FAM76B: variants seen among roughly 807,000 people sequenced by gnomAD.
FAM76B encodes protein FAM76B.
FAM76B carries 16 observed loss-of-function variants against 51.8 expected under a neutral mutation model. The observed-to-expected ratio is 0.31, with a 90% CI of 0.21 to 0.47. The LOEUF (loss-of-function observed/expected upper bound fraction) is 0.47. Ranked by LOEUF, FAM76B falls within the 20% of genes least tolerant of loss-of-function variation. The pLI is 1.00. For missense variants in FAM76B, 342 were observed against 392.6 expected, an observed-to-expected ratio of 0.87 and a Z score of 1.09; for synonymous variants, 166 against 129.5, an observed-to-expected ratio of 1.28 and a Z score of -1.91.
chr11:95,786,410 C>T, intron 3 of FAM76B, 136 bp from the exon 4 acceptor site: 2 of 882,986 alleles, frequency 2.3e-6, no homozygotes, highest in Non-Finnish European at 3.3e-6. Context: ...GTTTGTTGCC[C>T]TGTCACATGC....
chr11:95,775,073 T>G (rs1338165731), intron 9 of FAM76B, among the ~76,000 whole-genome samples: 1 of 151,322 alleles, frequency 6.6e-6, no homozygotes, highest in Non-Finnish European at 1.5e-5. Context: ...CTCCCAAGTC[T>G]GACGTCTGTG....
At chr11:95,773,923 G>A (rs1442139719) in intron 9 of FAM76B, among the ~76,000 whole-genome samples, 1 of 151,142 alleles carries the variant, frequency 6.6e-6, no homozygotes, top group African/African-American at 2.4e-5. Flanking sequence ...ATTAGAGCAA[G>A]ATCCATCTTG....
rs776697865 is a variant in FAM76B, at chr11:95,786,131, T to C, written c.351A>G (p.Glu117=). The change falls in exon 4 of 10, where the codon GAA becomes GAG. Residue 117 remains glutamate, a synonymous_variant. Transcript: ENST00000358780. ...AAATAAAGCATACCTTTCTTCTTCC[T>C]TCCTCCTTCCGATCAAAAGCACATT... ...KQQCAFDRKE[E]GRRKVDGKLL... is the part of the protein sequence containing the mutation. The C allele has an allele frequency of 1.8e-5, 29 of 1,609,632 alleles. No individual in the cohort carries two copies. Among genetic ancestry groups the C allele is most frequent in the Non-Finnish European group, 4.2e-6 (5 of 1,178,016 alleles).
chr11:95,779,799 TTAAG>T lies in FAM76B; in HGVS notation c.611+76_611+79del, dbSNP rs1414518111. Reference sequence around the variant, plus strand: ...CTGAAAATACTGATTTTGGTAAGACTTAAGTAACAAAGTTGAAGGGATATCACAT... The same window carrying T: ...CTGAAAATACTGATTTTGGTAAGACTTAACAAAGTTGAAGGGATATCACAT... On this transcript the variant is annotated intron_variant, in intron 6 of 9. Coordinates refer to ENST00000358780, the MANE Select transcript of FAM76B (RefSeq NM_144664.5). The T allele has an allele frequency of 1.9e-6, 3 of 1,542,724 alleles. No individual in the cohort carries two copies. In the African/African-American group the frequency reaches 4.2e-5, roughly 21 times the overall value.
chr11:95,788,735 C>T (rs1591030131), intron 1 of FAM76B, 172 bp from the exon 2 acceptor site: 1 of 1,298,860 alleles, frequency 7.7e-7, no homozygotes, highest in East Asian at 2.6e-5. Flanking sequence ...AATATAATTC[C>T]TTAGGGAAGG....
chr11:95,778,861 T>C lies in FAM76B; in HGVS notation c.789A>G (p.Leu263=). The C allele has an allele frequency of 6.2e-7, 1 of 1,610,534 alleles. No homozygotes were observed. The highest frequency in any genetic ancestry group is 8.5e-7 in the Non-Finnish European group (1 of 1,177,876). The change falls in exon 8 of 10, where the codon TTA becomes TTG. Residue 263 remains leucine (L), a synonymous_variant. Transcript: ENST00000358780. ...CTAAAATGGTCTGGTCTCTCTGCTG[T>C]AAGAGACGCTTAAGTGACATCACTT... is the stretch of plus-strand genomic sequence containing the variant. ...KEEVMSLKRL[L]QQRDQTILEK...
chr11:95,783,370 G>T, intron 4 of FAM76B, 106 bp from the exon 5 acceptor site: 1 of 897,972 alleles, frequency 1.1e-6, no homozygotes, highest in Non-Finnish European at 1.7e-6. Flanking sequence ...CACGTAACAT[G>T]CACAAATGCA....
intron 4 of FAM76B, among the ~76,000 whole-genome samples, chr11:95,784,945 T>C (rs1860481792): frequency 6.6e-6 from 1 of 152,128 alleles, no homozygotes; most frequent in African/African-American, 2.4e-5. Context: ...AAAATAAGGT[T>C]ATATATTGAT....
rs987362521 is a variant in FAM76B, at chr11:95,788,578, T to G, written c.88-15A>C. 1 of 1,604,312 alleles carries G rather than the reference T, an allele frequency of 6.2e-7. No homozygotes were observed. Among genetic ancestry groups the G allele is most frequent in the African/African-American group, 1.3e-5 (1 of 74,772 alleles). ...ATCCGACATTCCTGTAATAAGACAA[T>G]ACATTAGTCAGTATCTTTCTGAAAG... On this transcript the variant is annotated splice_polypyrimidine_tract_variant and intron_variant, in intron 1 of 9. Coordinates refer to ENST00000358780, the MANE Select transcript of FAM76B (RefSeq NM_144664.5).
intron 9 of FAM76B, 125 bp from the exon 10 acceptor site, chr11:95,771,775 A>G (rs1026465713): frequency 7.1e-6 from 5 of 706,186 alleles, no homozygotes; most frequent in African/African-American, 5.5e-5. Flanking sequence ...CTAACATTAA[A>G]TGAAAGAGTT....
At chr11:95,776,967 A>T (rs574747504) in intron 8 of FAM76B, among the ~76,000 whole-genome samples, 1 of 151,232 alleles carries the variant, frequency 6.6e-6, no homozygotes, top group Admixed American at 6.6e-5. Flanking sequence ...AATTCAAAGT[A>T]TAACTAAGTT....
chr11:95,789,602 A>C lies in FAM76B; in HGVS notation c.-124T>G, dbSNP rs887428168. 400 of 779,062 alleles carry C rather than the reference A, an allele frequency of 5.1e-4. 1 individual carries two copies. The highest frequency in any genetic ancestry group is 7.2e-4 in the Admixed American group (21 of 29,340). 48.3% of individuals were successfully genotyped at this position (779,062 alleles called of 1,614,324 possible). A position where few individuals can be genotyped will look rare whatever the true frequency, so the allele number is the denominator to read the frequency against. On this transcript the variant is annotated 5_prime_UTR_variant, in exon 1 of 10. Coordinates refer to ENST00000358780, the MANE Select transcript of FAM76B (RefSeq NM_144664.5). ...CTCCCCCTCCCCCTGCCTCGCGCCCACCAGGGCCTCGCCGCGAGAGCCCAG... is the reference window on the plus strand; with the variant it reads ...CTCCCCCTCCCCCTGCCTCGCGCCCCCCAGGGCCTCGCCGCGAGAGCCCAG...
chr11:95,783,964 T>C (rs1284694164), intron 4 of FAM76B, among the ~76,000 whole-genome samples: 1 of 152,224 alleles, frequency 6.6e-6, no homozygotes. Context: ...CAAAGAGTAC[T>C]GCCAAAGTGC....
chr11:95,788,768 A>C, intron 1 of FAM76B: 1 of 1,413,598 alleles, frequency 7.1e-7, no homozygotes, highest in Non-Finnish European at 9.4e-7. Flanking sequence ...TGTCTTTAGT[A>C]GACGTGGGGG....
chr11:95,783,331 T>C (rs1209202140), intron 4 of FAM76B, 67 bp from the exon 5 acceptor site: 12 of 1,386,322 alleles, frequency 8.7e-6, no homozygotes, highest in Middle Eastern at 2.6e-4. Flanking sequence ...CCAGGTAAGA[T>C]AAACCACTCA....
rs566249827 is a variant in FAM76B at position 95,784,565 on chromosome 11, T to C, written c.364-1301A>G. Among the ~76,000 whole-genome samples, 3 of 147,392 alleles carry C rather than the reference T, an allele frequency of 2.0e-5. No individual in the cohort carries two copies. In the South Asian group the frequency reaches 6.4e-4, roughly 31 times the overall value. On this transcript the variant is annotated intron_variant, in intron 4 of 9. Transcript: ENST00000358780. ...TAAATTAATCGACAGTGTGTGTGTG[T>C]ATATATACACACACACACACACACA...
intron 4 of FAM76B, among the ~76,000 whole-genome samples, chr11:95,784,996 C>T (rs1860484235): frequency 6.6e-6 from 1 of 152,106 alleles, no homozygotes; most frequent in African/African-American, 2.4e-5. Context: ...TGAACTTAAT[C>T]CTATATTTCT....
At chr11:95,779,414 A>G (rs1860152912) in intron 7 of FAM76B, 193 bp downstream of exon 7, 2 of 594,050 alleles carry the variant, frequency 3.4e-6, no homozygotes, top group South Asian at 4.9e-5. Context: ...ATAGAACAAC[A>G]TAGTTCAGTG....
At chr11:95,789,064 G>C (rs903240774) in intron 1 of FAM76B, 3 of 1,395,960 alleles carry the variant, frequency 2.1e-6, no homozygotes, top group African/African-American at 2.9e-5. Flanking sequence ...AGAAAACCGA[G>C]ATGAAAACAT....
Sources: gnomAD v4.1 joint callset for allele counts (sites outside exome capture counted in the v4.1 genomes callset) on GRCh38, gnomAD v4.1.1 for gene constraint, MANE v1.5 for transcripts, NCBI Gene and HGNC (gene_info 2026-07-23, HGNC 2026-07-21) for gene names.